TMEM132C: variants seen among roughly 807,000 people sequenced by gnomAD.
The protein encoded by TMEM132C is protein phosphatase 1, regulatory subunit 152.
Under a neutral mutation model 61.4 loss-of-function variants are expected in TMEM132C, and 29 were observed. The observed-to-expected ratio is 0.47, with a 90% CI of 0.35 to 0.64. The LOEUF is 0.64. Ranked by LOEUF, TMEM132C falls within the 30% of genes least tolerant of loss-of-function variation. The pLI is 0.00. For synonymous variants in TMEM132C, 656 were observed against 633.1 expected, an observed-to-expected ratio of 1.04 and a Z score of -0.54; for missense variants, 1,408 against 1,476.9, an observed-to-expected ratio of 0.95 and a Z score of 0.76.
chr12:128,684,921 A>AT (rs1954662525), intron 5 of TMEM132C, among the ~76,000 whole-genome samples: 1 of 152,204 alleles, frequency 6.6e-6, no homozygotes, highest in South Asian at 2.1e-4. Flanking sequence ...GGAAGGGCAC[A>AT]TTGCACAGGA....
intron 3 of TMEM132C, among the ~76,000 whole-genome samples, chr12:128,554,198 G>A (rs114946837): frequency 0.029 from 4,346 of 152,312 alleles, 193 homozygotes; most frequent in African/African-American, 0.097. Context: ...GGACTCAGAG[G>A]CATCCATGTG....
At chr12:128,599,524 A>G (rs1876092758) in intron 3 of TMEM132C, among the ~76,000 whole-genome samples, 2 of 152,212 alleles carry the variant, frequency 1.3e-5, no homozygotes, top group Admixed American at 1.3e-4. Context: ...TAGGATCTCC[A>G]TATTTGAAAC....
At chr12:128,325,732 C>T (rs1872488445) in intron 1 of TMEM132C, among the ~76,000 whole-genome samples, 1 of 152,130 alleles carries the variant, frequency 6.6e-6, no homozygotes, top group Non-Finnish European at 1.5e-5. Context: ...TCGGGGCTTT[C>T]ACCAGTGGGC....
intron 4 of TMEM132C, among the ~76,000 whole-genome samples, chr12:128,634,877 C>T (rs561585702): frequency 6.6e-6 from 1 of 152,306 alleles, no homozygotes; most frequent in East Asian, 1.9e-4. Flanking sequence ...TTCATGGTAT[C>T]CCTTTTATTT....
At chr12:128,459,371 A>C (rs1870452452) in intron 2 of TMEM132C, among the ~76,000 whole-genome samples, 1 of 152,184 alleles carries the variant, frequency 6.6e-6, no homozygotes, top group Non-Finnish European at 1.5e-5. Flanking sequence ...GGCCTGAATG[A>C]GCTCACTGTG....
At chr12:128,483,923 TAC>T (rs1376147859) in intron 2 of TMEM132C, among the ~76,000 whole-genome samples, 16 of 152,220 alleles carry the variant, frequency 1.1e-4, no homozygotes, top group Non-Finnish European at 1.8e-4. Flanking sequence ...TCCCAGTGAT[TAC>T]ACTCTACATT....
intron 1 of TMEM132C, among the ~76,000 whole-genome samples, chr12:128,395,357 A>G (rs929084222): frequency 7.2e-5 from 11 of 152,160 alleles, no homozygotes; most frequent in African/African-American, 9.7e-5. Context: ...AATGGTAACT[A>G]TCTACATAAT....
At chr12:128,510,520 G>A (rs1012002581) in intron 2 of TMEM132C, among the ~76,000 whole-genome samples, 1 of 151,984 alleles carries the variant, frequency 6.6e-6, no homozygotes, top group Non-Finnish European at 1.5e-5. Context: ...GGTCTGATTT[G>A]ACTTCACCCC....
At chr12:128,529,184 A>C (rs1873196201) in intron 2 of TMEM132C, among the ~76,000 whole-genome samples, 2 of 151,900 alleles carry the variant, frequency 1.3e-5, no homozygotes, top group Non-Finnish European at 1.5e-5. Flanking sequence ...AAAAGGCAGA[A>C]ATTTTAATAA....
At chr12:128,294,378 C>G (rs1871339306) in intron 1 of TMEM132C, among the ~76,000 whole-genome samples, 1 of 152,196 alleles carries the variant, frequency 6.6e-6, no homozygotes. Context: ...GTGACTCACA[C>G]AGCAAGGTGG....
At chr12:128,325,787 GACCTGGAAGGATC>G in intron 1 of TMEM132C, among the ~76,000 whole-genome samples, 1 of 152,240 alleles carries the variant, frequency 6.6e-6, no homozygotes, top group Admixed American at 6.5e-5. Context: ...CCCATTTGGT[GACCTGGAAGGATC>G]ACCAGCAACC....
chr12:128,328,646 G>A (rs1167688120), intron 1 of TMEM132C, among the ~76,000 whole-genome samples: 2 of 152,024 alleles, frequency 1.3e-5, no homozygotes, highest in African/African-American at 4.8e-5. Context: ...AATTAGCTGA[G>A]TGTGGTGGCA....
chr12:128,359,168 G>C (rs1196741884), intron 1 of TMEM132C, among the ~76,000 whole-genome samples: 1 of 152,178 alleles, frequency 6.6e-6, no homozygotes, highest in Non-Finnish European at 1.5e-5. Context: ...CTGCTTTGCT[G>C]TATGAGTGTG....
At chr12:128,368,556 A>G (rs1873937868) in intron 1 of TMEM132C, among the ~76,000 whole-genome samples, 1 of 152,236 alleles carries the variant, frequency 6.6e-6, no homozygotes, top group Non-Finnish European at 1.5e-5. Flanking sequence ...GTTTGCTGTT[A>G]TTACAATGAT....
chr12:128,614,117 C>G (rs571024378), intron 3 of TMEM132C, among the ~76,000 whole-genome samples: 4 of 152,300 alleles, frequency 2.6e-5, no homozygotes, highest in Admixed American at 6.5e-5. Flanking sequence ...CAGCGTGATG[C>G]CTTCCATGCT....
chr12:128,270,462 T>C (rs558692583), intron 1 of TMEM132C, among the ~76,000 whole-genome samples: 1 of 152,318 alleles, frequency 6.6e-6, no homozygotes, highest in South Asian at 2.1e-4. Context: ...TGACTTCAGA[T>C]CAGTGTTGGC....
At chr12:128,461,826 C>T (rs1870542883) in intron 2 of TMEM132C, among the ~76,000 whole-genome samples, 1 of 152,188 alleles carries the variant, frequency 6.6e-6, no homozygotes, top group South Asian at 2.1e-4. Context: ...TCCCAAGCCC[C>T]ACCTTCCAGA....
rs35003496 is a variant in TMEM132C, at chr12:128,278,750, A to ATG, written c.85+11299_85+11300dup. 0.05 allele frequency among the ~76,000 whole-genome samples: 6,914 copies of ATG among 136,914 alleles called. 222 individuals carry two copies. The highest frequency in any genetic ancestry group is 0.1 in the African/African-American group (3,902 of 37,508). The allele number at this position is 136,914 out of a possible 152,430, so 89.8% of individuals were successfully genotyped here. On this transcript the variant is annotated intron_variant, in intron 1 of 8. Coordinates refer to ENST00000435159, the MANE Select transcript of TMEM132C (RefSeq NM_001136103.3). The surrounding 1 kb of genome is among the most constrained non-coding windows in gnomAD (Gnocchi z 4.2). ...TGTGCAGACTTGATTCTATACGTGT[A>ATG]TGTGTGTGTGTGTGTGTGTGTGTGT...
intron 3 of TMEM132C, among the ~76,000 whole-genome samples, chr12:128,593,256 C>G (rs777188392): frequency 5.1e-4 from 77 of 151,130 alleles, no homozygotes; most frequent in Non-Finnish European, 7.8e-4. Flanking sequence ...CTTATCTTCT[C>G]TCTTACCTCT....
Sources: gnomAD v4.1 joint callset for allele counts (sites outside exome capture counted in the v4.1 genomes callset) on GRCh38, gnomAD v4.1.1 for gene constraint, Gnocchi (gnomAD v3.1) non-coding constraint, MANE v1.5 for transcripts, NCBI Gene and HGNC (gene_info 2026-07-23, HGNC 2026-07-21) for gene names.